The following CNTNAP2 variants were observed in gnomAD, a reference collection of about 807,000 sequenced individuals.
CNTNAP2 encodes contactin associated protein 2.
A neutral mutation model predicts 155.2 loss-of-function variants in CNTNAP2; 98 were observed. The ratio of observed to expected loss-of-function variants is 0.63; its 90% CI spans 0.54 to 0.75. The LOEUF (loss-of-function observed/expected upper bound fraction) is 0.75. CNTNAP2 is among the 30% of genes least tolerant of loss of function. The pLI, the probability that CNTNAP2 is intolerant of heterozygous loss-of-function variation, is 0.00. For missense variants in CNTNAP2, 1,727 were observed against 1,688.1 expected, an observed-to-expected ratio of 1.02 and a Z score of -0.40; for synonymous variants, 651 against 631.2, an observed-to-expected ratio of 1.03 and a Z score of -0.47.
At chr7:148,301,594 G>A (rs573301643) in intron 21 of CNTNAP2, among the ~76,000 whole-genome samples, 1 of 152,156 alleles carries the variant, frequency 6.6e-6, no homozygotes, top group Admixed American at 6.5e-5. Context: ...TACCCAATTA[G>A]TGATTTTTTA....
intron 13 of CNTNAP2, among the ~76,000 whole-genome samples, chr7:147,762,153 T>TCACACA (rs545084626): frequency 4.8e-4 from 50 of 103,914 alleles, no homozygotes; most frequent in Non-Finnish European, 7.0e-4. Context: ...TCTCTCTCTG[T>TCACACA]CTCACACACA....
chr7:148,008,313 A>G (rs1802015264), intron 15 of CNTNAP2, among the ~76,000 whole-genome samples: 1 of 152,206 alleles, frequency 6.6e-6, no homozygotes, highest in African/African-American at 2.4e-5. Flanking sequence ...CAGAGGTTGC[A>G]GTGAGTGGAG....
chr7:148,011,593 C>T (rs1802083972), intron 15 of CNTNAP2, among the ~76,000 whole-genome samples: 1 of 152,170 alleles, frequency 6.6e-6, no homozygotes, highest in Non-Finnish European at 1.5e-5. Flanking sequence ...TTGCACCTTG[C>T]AATGTGTGAG....
rs745397865 is a variant in CNTNAP2 at position 148,383,780 on chromosome 7, G to C, written c.3607G>C (p.Val1203Leu). 6.2e-7 allele frequency: 1 copy of C among 1,614,038 alleles called. No individual in the cohort carries two copies. The highest frequency in any genetic ancestry group is 8.5e-7 in the Non-Finnish European group (1 of 1,180,036). ...GAGGCAGACAAACGCCTCGGCTCAC[G>C]TCCACATCCAGGGCGAGCTGGTGGA... ...ALRQTNASAH[V>L]HIQGELVESN... The change falls in exon 22 of 24, where the codon GTC becomes CTC. Residue 1203 changes from valine (V) to leucine (L), a missense_variant. By Grantham distance (32) the Val-to-Leu change is conservative. Transcript: ENST00000361727.
intron 1 of CNTNAP2, among the ~76,000 whole-genome samples, chr7:146,426,917 TGA>T (rs60738363): frequency 0.017 from 2,589 of 152,196 alleles, 74 homozygotes; most frequent in African/African-American, 0.059. Flanking sequence ...TTAAAAAGTT[TGA>T]GTTAGCCGTT....
intron 8 of CNTNAP2, among the ~76,000 whole-genome samples, chr7:147,135,076 T>C (rs966272907): frequency 1.3e-5 from 2 of 151,866 alleles, no homozygotes; most frequent in Non-Finnish European, 2.9e-5. Flanking sequence ...TCAAAAACCT[T>C]TTTTTCCATC....
intron 13 of CNTNAP2, among the ~76,000 whole-genome samples, chr7:147,875,356 G>A (rs1306021078): frequency 6.6e-6 from 1 of 152,148 alleles, no homozygotes; most frequent in Non-Finnish European, 1.5e-5. Context: ...AAGAGATTGT[G>A]TACAGGGGAA....
chr7:147,134,723 G>C (rs1318527406), intron 8 of CNTNAP2, among the ~76,000 whole-genome samples: 1 of 151,848 alleles, frequency 6.6e-6, no homozygotes, highest in Non-Finnish European at 1.5e-5. Flanking sequence ...GTGTAAATAA[G>C]TTAGTAAAGT....
intron 1 of CNTNAP2, among the ~76,000 whole-genome samples, chr7:146,517,738 A>G (rs1434094426): frequency 2.0e-5 from 3 of 151,846 alleles, no homozygotes; most frequent in Non-Finnish European, 4.4e-5. Context: ...CACTCCAGGA[A>G]CTCTGGAATT....
intron 1 of CNTNAP2, among the ~76,000 whole-genome samples, chr7:146,684,151 A>G (rs900780158): frequency 2.0e-5 from 3 of 152,162 alleles, no homozygotes; most frequent in African/African-American, 7.2e-5. Flanking sequence ...CTAATGCCAT[A>G]GTGCAGAACC....
chr7:147,082,841 C>T (rs1800164310), intron 4 of CNTNAP2: 1 of 152,040 alleles, frequency 6.6e-6, no homozygotes, highest in Non-Finnish European at 1.5e-5. Context: ...CTTTGGGAGC[C>T]ATTTGGGAGC....
intron 2 of CNTNAP2, among the ~76,000 whole-genome samples, chr7:146,823,258 C>G (rs757548351): frequency 5.4e-5 from 8 of 149,526 alleles, no homozygotes; most frequent in Non-Finnish European, 1.0e-4. Context: ...TAAATATACT[C>G]ATTCTTCAGT....
chr7:146,372,494 A>T (rs1049242753), intron 1 of CNTNAP2, among the ~76,000 whole-genome samples: 5 of 152,210 alleles, frequency 3.3e-5, no homozygotes, highest in Admixed American at 1.3e-4. Context: ...CTCCATTTAC[A>T]TGAACAAATA....
chr7:146,749,438 G>A (rs1413856285), intron 1 of CNTNAP2, among the ~76,000 whole-genome samples: 2 of 152,042 alleles, frequency 1.3e-5, no homozygotes, highest in African/African-American at 4.8e-5. Flanking sequence ...TTAACTACTA[G>A]ATTATCTTAT....
At chr7:147,010,862 C>T (rs1465837589) in intron 3 of CNTNAP2, among the ~76,000 whole-genome samples, 1 of 152,012 alleles carries the variant, frequency 6.6e-6, no homozygotes, top group Non-Finnish European at 1.5e-5. Context: ...GGAATATTTA[C>T]ATCTTCTAAA....
intron 13 of CNTNAP2, among the ~76,000 whole-genome samples, chr7:147,733,163 T>C (rs564058187): frequency 2.6e-5 from 4 of 152,358 alleles, no homozygotes; most frequent in African/African-American, 7.2e-5. Flanking sequence ...TTTATGGTTT[T>C]AGGTCTAACA....
At position 147,108,366 on chromosome 7, in the gene CNTNAP2, C is replaced by T; in HGVS notation, c.754+16C>T. The T allele has an allele frequency of 6.2e-7, 1 of 1,600,658 alleles. No individual in the cohort carries two copies. Among genetic ancestry groups the T allele is most frequent in the Non-Finnish European group, 8.5e-7 (1 of 1,170,444 alleles). On this transcript the variant is annotated intron_variant, in intron 5 of 23. Coordinates refer to ENST00000361727, the MANE Select transcript of CNTNAP2 (RefSeq NM_014141.6). ...TTAAACTTAGGTGTGTTCTGACTGT[C>T]AGTTCTATTCTTTCCGTTATGGATG...
chr7:146,896,283 T>C (rs1279838534), intron 3 of CNTNAP2, among the ~76,000 whole-genome samples: 1 of 152,056 alleles, frequency 6.6e-6, no homozygotes, highest in East Asian at 1.9e-4. Context: ...GCATACACCC[T>C]TTTAGGCAAT....
chr7:147,131,045 T>C (rs1305081364), intron 7 of CNTNAP2, among the ~76,000 whole-genome samples: 31 of 36,420 alleles, frequency 8.5e-4, no homozygotes, highest in Non-Finnish European at 1.5e-3. Flanking sequence ...TATATACACA[T>C]ATATATATGT....
Sources: allele counts gnomAD v4.1 joint callset (sites outside exome capture counted in the v4.1 genomes callset), GRCh38; gene constraint gnomAD v4.1.1; transcripts MANE v1.5; gene names NCBI Gene and HGNC (gene_info 2026-07-23, HGNC 2026-07-21).